The following POLDIP2 variants were observed in gnomAD, a reference collection of about 807,000 sequenced individuals.
POLDIP2 encodes the protein polymerase delta-interacting protein 2.
Under a neutral mutation model 52.9 loss-of-function variants are expected in POLDIP2, and 32 were observed. The observed-to-expected ratio is 0.61, with a 90% CI of 0.46 to 0.81. The LOEUF is 0.81. POLDIP2 is among the 40% of genes least tolerant of loss of function. The pLI, the probability that POLDIP2 is intolerant of heterozygous loss-of-function variation, is 0.00. For missense variants in POLDIP2, 371 were observed against 477.3 expected, an observed-to-expected ratio of 0.78 and a Z score of 2.07; for synonymous variants, 183 against 183.0, an observed-to-expected ratio of 1.00 and a Z score of 0.00.
At chr17:28,356,478 T>C (rs1908035133) in intron 1 of POLDIP2, among the ~76,000 whole-genome samples, 1 of 152,186 alleles carries the variant, frequency 6.6e-6, no homozygotes, top group Non-Finnish European at 1.5e-5. Context: ...CCCTCTAACC[T>C]GTAGCCCTTA....
In POLDIP2 at chr17:28,349,084, A is replaced by C. The variant is rs1481824877; in HGVS notation, c.991T>G (p.Trp331Gly). 1.9e-6 allele frequency: 3 copies of C among 1,608,578 alleles called. No homozygotes were observed. In the African/African-American group the frequency reaches 4.0e-5, roughly 22 times the overall value. Reference sequence around the variant, plus strand: ...CTACTGCTGTGCACACTCACTCACCACATGTGCCCACTGGAAGCCTGCAGC... The same window carrying C: ...CTACTGCTGTGCACACTCACTCACCCCATGTGCCCACTGGAAGCCTGCAGC... ...VSLQASSGHM[W>G]GTFRFERPDG... The change falls in exon 10 of 11, where the codon TGG becomes GGG. Residue 331 changes from tryptophan (W) to glycine (G), a missense_variant and splice_region_variant. Transcript: ENST00000540200.
chr17:28,349,927 G>T (rs1907734436), intron 9 of POLDIP2, among the ~76,000 whole-genome samples: 1 of 152,170 alleles, frequency 6.6e-6, no homozygotes, highest in Non-Finnish European at 1.5e-5. Context: ...ATAAATGCTT[G>T]TTGAATGTGG....
In POLDIP2 at chr17:28,346,729, T is replaced by C. The variant is rs1907582839; in HGVS notation, c.*1388A>G. ...ATTCAGAAAGCAACTCTTGGCTGTGTGCATTTTTCAACTCCAAGCAGCCCA... is the reference window on the plus strand; with the variant it reads ...ATTCAGAAAGCAACTCTTGGCTGTGCGCATTTTTCAACTCCAAGCAGCCCA... On this transcript the variant is annotated 3_prime_UTR_variant, in exon 11 of 11. Transcript: ENST00000540200. 1 of 152,222 alleles carries C rather than the reference T, an allele frequency of 6.6e-6. No individual in the cohort carries two copies. Among genetic ancestry groups the C allele is most frequent in the African/African-American group, 2.4e-5 (1 of 41,458 alleles). The allele number at this position is 152,222 out of a possible 1,614,324, so 9.4% of individuals were successfully genotyped here. A position where few individuals can be genotyped will look rare whatever the true frequency, so the allele number is the denominator to read the frequency against.
rs1907644239 is a variant in POLDIP2, at chr17:28,347,917, T to G, written c.*200A>C. 1 of 575,826 alleles carries G rather than the reference T, an allele frequency of 1.7e-6. No homozygotes were observed. The highest frequency in any genetic ancestry group is 2.1e-5 in the South Asian group (1 of 47,602). The allele number at this position is 575,826 out of a possible 1,614,324, so 35.7% of individuals were successfully genotyped here. On this transcript the variant is annotated 3_prime_UTR_variant, in exon 11 of 11. Coordinates refer to ENST00000540200, the MANE Select transcript of POLDIP2 (RefSeq NM_015584.5). ...TGGAACATGGTGTAGGCAGGGCTTA[T>G]GAGGAGGCCAGCCTTGGAGGTGTCC...
chr17:28,356,680 C>T (rs1200870771), intron 1 of POLDIP2, among the ~76,000 whole-genome samples: 2 of 152,156 alleles, frequency 1.3e-5, no homozygotes, highest in African/African-American at 4.8e-5. Context: ...TTCTAGGGGC[C>T]CTTCAAATAA....
At position 28,348,150 on chromosome 17, in the gene POLDIP2, A is replaced by T; in HGVS notation, c.1074T>A (p.Asp358Glu). Residue 358 changes from aspartate (D) to glutamate (E), a missense_variant, in exon 11 of 11, where the codon GAT becomes GAA. Physicochemically the swap from Asp to Glu is conservative, Grantham distance 45 (BLOSUM62 2). Transcript: ENST00000540200. ...GAAGGCCTGAGGGTGGTGTCTTCTC[A>T]TCTTTATTGCTTTCCAGGGAGAAGG... ...IPPFSLESNK[D>E]EKTPPSGLHW 1 of 1,613,636 alleles carries T rather than the reference A, an allele frequency of 6.2e-7. No individual in the cohort carries two copies. The highest frequency in any genetic ancestry group is 8.5e-7 in the Non-Finnish European group (1 of 1,179,528).
intron 7 of POLDIP2, among the ~76,000 whole-genome samples, 187 bp downstream of exon 7, chr17:28,351,477 G>A (rs1427827783): frequency 1.3e-5 from 2 of 152,100 alleles, no homozygotes; most frequent in Non-Finnish European, 2.9e-5. Context: ...TTTCCTGCCC[G>A]CTCTAGGTCT....
chr17:28,348,309 G>A lies in POLDIP2; in HGVS notation c.993-78C>T, dbSNP rs1298743453. On this transcript the variant is annotated intron_variant, in intron 10 of 10. Transcript: ENST00000540200. ...GGATCTGGATGGCCCCATGCCCTCA[G>A]CTGCCAGCCACAGAGGACATGTGAG... The A allele has an allele frequency of 9.2e-6, 8 of 867,242 alleles. No individual in the cohort carries two copies. The African/African-American group carries it at 1.2e-4, about 13-fold the overall frequency. 53.7% of individuals were successfully genotyped at this position (867,242 alleles called of 1,614,324 possible).
rs1310596700 is a variant in POLDIP2, at chr17:28,348,133, G to A, written c.1091C>T (p.Ser364Leu). 3 of 1,611,308 alleles carry A rather than the reference G, an allele frequency of 1.9e-6. No homozygotes were observed. The highest frequency in any genetic ancestry group is 3.3e-4 in the Middle Eastern group (2 of 6,060). Residue 364 changes from serine to leucine, a missense_variant, in exon 11 of 11, where the codon TCA becomes TTA. Ser to Leu is a moderately radical substitution (Grantham distance 145). Coordinates refer to ENST00000540200, the MANE Select transcript of POLDIP2 (RefSeq NM_015584.5). Reference protein sequence around the residue: ...ESNKDEKTPPSGLHW With the variant: ...ESNKDEKTPPLGLHW ...TCAGCTGGCCTACCAGTGAAGGCCTGAGGGTGGTGTCTTCTCATCTTTATT... is the reference window on the plus strand; with the variant it reads ...TCAGCTGGCCTACCAGTGAAGGCCTAAGGGTGGTGTCTTCTCATCTTTATT...
At chr17:28,352,365 G>A (rs1433385580) in intron 6 of POLDIP2, among the ~76,000 whole-genome samples, 1 of 147,958 alleles carries the variant, frequency 6.8e-6, no homozygotes, top group Non-Finnish European at 1.5e-5. Context: ...AGCCTCCCAA[G>A]TAGCTGAGAC....
chr17:28,350,830 C>A, intron 7 of POLDIP2, 38 bp from the exon 8 acceptor site: 1 of 1,540,268 alleles, frequency 6.5e-7, no homozygotes, highest in East Asian at 2.4e-5. Flanking sequence ...TCCCACAGGG[C>A]AAGACCAAGT....
At chr17:28,353,200 A>T in intron 5 of POLDIP2, 41 bp downstream of exon 5, 1 of 978,664 alleles carries the variant, frequency 1.0e-6, no homozygotes, top group Non-Finnish European at 1.6e-6. Flanking sequence ...GACACACCAG[A>T]CTCCTTCTTG....
chr17:28,355,459 T>C (rs528005702), intron 2 of POLDIP2, among the ~76,000 whole-genome samples: 2 of 151,984 alleles, frequency 1.3e-5, no homozygotes, highest in African/African-American at 2.4e-5. Flanking sequence ...AGTACAAAAT[T>C]AGCCAAGTGT....
chr17:28,352,875 C>G (rs1363253945), intron 6 of POLDIP2, 37 bp downstream of exon 6: 1 of 1,296,336 alleles, frequency 7.7e-7, no homozygotes, highest in Non-Finnish European at 1.1e-6. Context: ...GATGAAAAGG[C>G]CCTCCCATTC....
intron 3 of POLDIP2, 51 bp from the exon 4 acceptor site, chr17:28,353,842 G>A: frequency 1.6e-6 from 2 of 1,247,612 alleles, no homozygotes; most frequent in South Asian, 2.4e-5. Context: ...AATGGAAGCT[G>A]TGGCTGACTC....
chr17:28,348,268 G>A, intron 10 of POLDIP2, 37 bp from the exon 11 acceptor site: 1 of 1,407,670 alleles, frequency 7.1e-7, no homozygotes, highest in Non-Finnish European at 1.0e-6. Context: ...AAGGAGCCAG[G>A]GCTGAGGCCT....
chr17:28,353,760 C>A lies in POLDIP2; in HGVS notation c.373G>T (p.Glu125Ter). 6.2e-7 allele frequency: 1 copy of A among 1,613,454 alleles called. No homozygotes were observed. Among genetic ancestry groups the A allele is most frequent in the Non-Finnish European group, 8.5e-7 (1 of 1,179,608 alleles). ...TAAGTGTGAGTTTTGCCTTTCACCT[C>A]CTTGGAGCCATGGCCAGCAGGGTTC... is the stretch of plus-strand genomic sequence containing the variant. ...AENPAGHGSK[E>*]VKGKTHTYYQ... The change falls in exon 4 of 11, where the codon GAG (glutamate) becomes TAG (stop). Residue 125 changes from glutamate to a stop codon, truncating the protein, a stop_gained. Transcript: ENST00000540200. LOFTEE classifies it high-confidence loss of function.
chr17:28,352,237 CTTTTTTTTT>C (rs782311219), intron 6 of POLDIP2, among the ~76,000 whole-genome samples: 8 of 87,682 alleles, frequency 9.1e-5, no homozygotes, highest in South Asian at 4.3e-4. Flanking sequence ...GGAATTATTT[CTTTTTTTTT>C]TTTTTTTTTG....
intron 9 of POLDIP2, 80 bp downstream of exon 9, chr17:28,350,358 C>G (rs945609913): frequency 1.5e-6 from 2 of 1,299,984 alleles, no homozygotes; most frequent in Non-Finnish European, 2.1e-6. Flanking sequence ...CTGTCTATAA[C>G]AACAAAGGAG....
Sources: gnomAD v4.1 joint callset for allele counts (sites outside exome capture counted in the v4.1 genomes callset) on GRCh38, gnomAD v4.1.1 for gene constraint, MANE v1.5 for transcripts, NCBI Gene and HGNC (gene_info 2026-07-23, HGNC 2026-07-21) for gene names.